PTPRR: variants seen among roughly 807,000 people sequenced by gnomAD.
PTPRR encodes the protein receptor-type tyrosine-protein phosphatase R.
A neutral mutation model predicts 77.2 loss-of-function variants in PTPRR; 38 were observed. That is an observed-to-expected ratio of 0.49 (90% CI 0.38 to 0.65). The LOEUF is 0.65. Among genes scored for constraint, PTPRR ranks in the 30% least tolerant of loss-of-function variants. The pLI, the probability that PTPRR is intolerant of heterozygous loss-of-function variation, is 0.00. For missense variants in PTPRR, 744 were observed against 799.2 expected, an observed-to-expected ratio of 0.93 and a Z score of 0.83; for synonymous variants, 299 against 283.1, an observed-to-expected ratio of 1.06 and a Z score of -0.57.
intron 6 of PTPRR, among the ~76,000 whole-genome samples, chr12:70,707,317 T>A (rs1888653734): frequency 6.6e-6 from 1 of 152,146 alleles, no homozygotes; most frequent in South Asian, 2.1e-4. Context: ...TTCAAGTCCT[T>A]ATATGTATGA....
At chr12:70,876,621 C>T (rs116427468) in intron 2 of PTPRR, among the ~76,000 whole-genome samples, 2,208 of 152,234 alleles carry the variant, frequency 0.015, 59 homozygotes, top group African/African-American at 0.05. Context: ...AGATTTACAT[C>T]CCTACATGAG....
chr12:70,785,227 TACC>T (rs999888923), intron 2 of PTPRR, among the ~76,000 whole-genome samples: 7 of 152,198 alleles, frequency 4.6e-5, no homozygotes, highest in Non-Finnish European at 1.0e-4. Context: ...TTTTTACCAC[TACC>T]AATTAAATAT....
intron 2 of PTPRR, among the ~76,000 whole-genome samples, chr12:70,844,139 T>A (rs149723124): frequency 5.1e-4 from 77 of 152,258 alleles, no homozygotes; most frequent in African/African-American, 1.8e-3. Context: ...GAATTAGATT[T>A]AGGTAAGACA....
chr12:70,640,330 G>A (rs1885951253), intron 13 of PTPRR, among the ~76,000 whole-genome samples: 3 of 151,166 alleles, frequency 2.0e-5, no homozygotes, highest in African/African-American at 7.3e-5. Flanking sequence ...CACCACACCT[G>A]GACAATTTTT....
chr12:70,719,710 C>A (rs1889174080), intron 6 of PTPRR, among the ~76,000 whole-genome samples: 1 of 152,266 alleles, frequency 6.6e-6, no homozygotes, highest in South Asian at 2.1e-4. Flanking sequence ...GCTGGAAACC[C>A]CTGCTAAGAG....
At chr12:70,867,767 C>A (rs1026479577) in intron 2 of PTPRR, among the ~76,000 whole-genome samples, 4 of 152,130 alleles carry the variant, frequency 2.6e-5, no homozygotes, top group African/African-American at 9.7e-5. Context: ...AGAGGCATCA[C>A]GCTACCTGAC....
intron 10 of PTPRR, among the ~76,000 whole-genome samples, chr12:70,673,973 C>T (rs1050020967): frequency 6.6e-6 from 1 of 152,010 alleles, no homozygotes; most frequent in African/African-American, 2.4e-5. Context: ...ATTTTGTTGG[C>T]CAGGCTGAAG....
chr12:70,861,561 A>C (rs955153875), intron 2 of PTPRR, among the ~76,000 whole-genome samples: 3 of 152,188 alleles, frequency 2.0e-5, no homozygotes, highest in African/African-American at 4.8e-5. Flanking sequence ...ATGGAGATTT[A>C]ATTCCAATGG....
chr12:70,672,455 C>A, intron 10 of PTPRR: 1 of 1,083,228 alleles, frequency 9.2e-7, no homozygotes, highest in Non-Finnish European at 1.4e-6. Context: ...GATGCCATGG[C>A]CCATGTGGCT....
intron 2 of PTPRR, among the ~76,000 whole-genome samples, chr12:70,797,742 CT>C (rs1421987051): frequency 3.3e-5 from 5 of 152,164 alleles, no homozygotes; most frequent in African/African-American, 9.7e-5. Flanking sequence ...CTTCTCTTAG[CT>C]TCTGTGGCAT....
chr12:70,812,327 A>C (rs1418814673), intron 2 of PTPRR, among the ~76,000 whole-genome samples: 2 of 152,176 alleles, frequency 1.3e-5, no homozygotes, highest in Admixed American at 1.3e-4. Context: ...GTGACACCCA[A>C]AAGGGCAAGT....
In PTPRR at chr12:70,920,322, C is replaced by T. The variant is rs12830783; in HGVS notation, c.58+11G>A. The T allele has an allele frequency of 0.13, 213,328 of 1,611,588 alleles. 15,129 individuals carry two copies. Among genetic ancestry groups the T allele is most frequent in the African/African-American group, 0.23 (17,215 of 74,842 alleles). On this transcript the variant is annotated intron_variant, in intron 1 of 13. Coordinates refer to ENST00000283228, the MANE Select transcript of PTPRR (RefSeq NM_002849.4). ...TGCACAGCTCCGGCTCTAAGCCTGG[C>T]AACCCCTTACCTGCAGCGTGAAGAT...
intron 2 of PTPRR, chr12:70,788,805 G>A: frequency 6.7e-7 from 1 of 1,495,728 alleles, no homozygotes; most frequent in Non-Finnish European, 9.0e-7. Context: ...TATCATGAGA[G>A]ATTATCTCAC....
chr12:70,763,363 C>T (rs1391463977), intron 3 of PTPRR, among the ~76,000 whole-genome samples: 3 of 152,090 alleles, frequency 2.0e-5, no homozygotes, highest in Non-Finnish European at 4.4e-5. Flanking sequence ...AAACTCCTGA[C>T]CTCCAGTTAT....
intron 6 of PTPRR, among the ~76,000 whole-genome samples, chr12:70,722,093 C>T (rs1036051993): frequency 6.6e-6 from 1 of 152,144 alleles, no homozygotes; most frequent in Admixed American, 6.6e-5. Flanking sequence ...CCCGGCTATG[C>T]GCCCCCCGTG....
chr12:70,684,192 G>A lies in PTPRR; in HGVS notation c.1432C>T (p.Gln478Ter). The A allele has an allele frequency of 6.2e-7, 1 of 1,613,938 alleles. No individual in the cohort carries two copies. The highest frequency in any genetic ancestry group is 8.5e-7 in the Non-Finnish European group (1 of 1,179,932). ...PMINTVDDFW[Q>*]MVWQEDSPVI... is the part of the protein sequence containing the mutation. The stretch of plus-strand genomic sequence containing the variant: ...GGGCTGTCTTCCTGCCAAACCATCT[G>A]CCAGAAATCATCCACGGTGTTGATC... Residue 478 changes from glutamine to a stop codon, truncating the protein, a stop_gained, in exon 10 of 14, where the codon CAG becomes TAG. Coordinates refer to ENST00000283228, the MANE Select transcript of PTPRR (RefSeq NM_002849.4). LOFTEE classifies it high-confidence loss of function.
rs564347665 is a variant in PTPRR at position 70,848,255 on chromosome 12, G to T, written c.357+44424C>A. 2.6e-5 allele frequency among the ~76,000 whole-genome samples: 4 copies of T among 152,142 alleles called. No individual in the cohort carries two copies. The South Asian group carries it at 8.3e-4, about 31-fold the overall frequency. On this transcript the variant is annotated intron_variant, in intron 2 of 13. Coordinates refer to ENST00000283228, the MANE Select transcript of PTPRR (RefSeq NM_002849.4). The stretch of plus-strand genomic sequence containing the variant: ...TAATCTCCATTTGCAATAGTTATCC[G>T]GTTCTATGACCAATTTTTATTCTCA...
intron 2 of PTPRR, among the ~76,000 whole-genome samples, chr12:70,800,529 C>G (rs1396236406): frequency 6.6e-6 from 1 of 152,082 alleles, no homozygotes; most frequent in Non-Finnish European, 1.5e-5. Context: ...ACACATTGAC[C>G]CAATTAATCT....
At chr12:70,720,482 T>C (rs1303058861) in intron 6 of PTPRR, among the ~76,000 whole-genome samples, 4 of 151,914 alleles carry the variant, frequency 2.6e-5, no homozygotes, top group African/African-American at 7.2e-5. Context: ...CCTCTCTATG[T>C]AGAGGTATTG....
Sources: allele counts gnomAD v4.1 joint callset (sites outside exome capture counted in the v4.1 genomes callset), GRCh38; gene constraint gnomAD v4.1.1; transcripts MANE v1.5; gene names NCBI Gene and HGNC (gene_info 2026-07-23, HGNC 2026-07-21).